Variants in GRIN2A observed in about 807,000 individuals in gnomAD.
The protein encoded by GRIN2A is glutamate receptor ionotropic, NMDA 2A.
Under a neutral mutation model 113.4 loss-of-function variants are expected in GRIN2A, and 22 were observed. The observed-to-expected ratio is 0.19, with a 90% CI of 0.14 to 0.28. The LOEUF (loss-of-function observed/expected upper bound fraction) is 0.28. Among genes scored for constraint, GRIN2A ranks in the 10% least tolerant of loss-of-function variants. The pLI, the probability that GRIN2A is intolerant of heterozygous loss-of-function variation, is 1.00. For missense variants in GRIN2A, 1,502 were observed against 1,887.0 expected (o/e 0.80, Z 3.78); for synonymous variants, 827 against 738.4 (o/e 1.12, Z -1.94).
At chr16:9,814,880 C>A (rs1041130100) in intron 10 of GRIN2A, among the ~76,000 whole-genome samples, 1 of 152,062 alleles carries the variant, frequency 6.6e-6, no homozygotes, top group Non-Finnish European at 1.5e-5. Context: ...ATTGACAGGG[C>A]ATGGTGTTGC....
intron 2 of GRIN2A, among the ~76,000 whole-genome samples, chr16:9,949,159 G>C (rs1324536942): frequency 6.6e-6 from 1 of 152,120 alleles, no homozygotes; most frequent in Non-Finnish European, 1.5e-5. Context: ...TCGTCACCAG[G>C]TATTTTAGGT....
intron 10 of GRIN2A, among the ~76,000 whole-genome samples, chr16:9,805,130 C>T (rs1178928682): frequency 6.6e-6 from 1 of 152,254 alleles, no homozygotes; most frequent in South Asian, 2.1e-4. Context: ...ACTGGCAAAT[C>T]TAATTGTCCC....
intron 2 of GRIN2A, among the ~76,000 whole-genome samples, chr16:10,090,194 G>T (rs2142079167): frequency 6.6e-6 from 1 of 152,040 alleles, no homozygotes; most frequent in Middle Eastern, 3.4e-3. Context: ...GACCCAAGAG[G>T]GAGGGGTTTC....
intron 2 of GRIN2A, among the ~76,000 whole-genome samples, chr16:10,025,174 G>T (rs556784137): frequency 8.6e-5 from 13 of 152,046 alleles, no homozygotes; most frequent in Non-Finnish European, 1.9e-4. Context: ...TAAGAAGACT[G>T]GAGATTACTA....
chr16:9,801,074 A>T (rs1169202880), intron 10 of GRIN2A, among the ~76,000 whole-genome samples: 1 of 152,136 alleles, frequency 6.6e-6, no homozygotes, highest in Non-Finnish European at 1.5e-5. Flanking sequence ...GGTGGCGTTC[A>T]TTGTGGTCTT....
chr16:10,143,068 C>A (rs2049360865), intron 2 of GRIN2A, among the ~76,000 whole-genome samples: 1 of 152,170 alleles, frequency 6.6e-6, no homozygotes, highest in African/African-American at 2.4e-5. Flanking sequence ...ATTTGCCGGT[C>A]TTAATTGTAC....
At chr16:9,929,495 C>A (rs904302616) in intron 3 of GRIN2A, among the ~76,000 whole-genome samples, 1 of 152,136 alleles carries the variant, frequency 6.6e-6, no homozygotes, top group African/African-American at 2.4e-5. Flanking sequence ...ATGCATTAAG[C>A]CTGCCCACTT....
chr16:10,139,251 C>A (rs142995646), intron 2 of GRIN2A, among the ~76,000 whole-genome samples: 1 of 152,224 alleles, frequency 6.6e-6, no homozygotes, highest in African/African-American at 2.4e-5. Context: ...CACTTTTGCA[C>A]CTCGTGTCTC....
In GRIN2A at chr16:10,043,886, C is replaced by T. The variant is rs560873785; in HGVS notation, c.415-105335G>A. 3.3e-5 allele frequency among the ~76,000 whole-genome samples: 5 copies of T among 151,698 alleles called. No individual in the cohort carries two copies. The East Asian group carries it at 9.7e-4, about 29-fold the overall frequency. ...GCTGCAATATACATATACATACACACACATATATATATACACACATATATA... is the reference window on the plus strand; with the variant it reads ...GCTGCAATATACATATACATACACATACATATATATATACACACATATATA... On this transcript the variant is annotated intron_variant, in intron 2 of 12. Coordinates refer to ENST00000330684, the MANE Select transcript of GRIN2A (RefSeq NM_001134407.3).
At chr16:9,976,166 G>A (rs1003222962) in intron 2 of GRIN2A, among the ~76,000 whole-genome samples, 3 of 152,140 alleles carry the variant, frequency 2.0e-5, no homozygotes, top group African/African-American at 7.2e-5. Flanking sequence ...CATAAATGGG[G>A]AGCCTCGTGT....
At chr16:9,948,285 G>C (rs757289911) in intron 2 of GRIN2A, among the ~76,000 whole-genome samples, 5 of 152,200 alleles carry the variant, frequency 3.3e-5, no homozygotes, top group Non-Finnish European at 7.3e-5. Context: ...TTGGGGCTTA[G>C]AGAGAGGCAG....
At chr16:9,925,011 A>G (rs1393776177) in intron 3 of GRIN2A, among the ~76,000 whole-genome samples, 1 of 152,092 alleles carries the variant, frequency 6.6e-6, no homozygotes, top group East Asian at 1.9e-4. Context: ...ATATTTTTTC[A>G]TTATGGATTA....
chr16:9,894,105 A>G (rs1236688787), intron 3 of GRIN2A, among the ~76,000 whole-genome samples: 1 of 152,170 alleles, frequency 6.6e-6, no homozygotes, highest in Non-Finnish European at 1.5e-5. Context: ...GAAGGGGTTG[A>G]GGCAGGAGAA....
intron 2 of GRIN2A, among the ~76,000 whole-genome samples, chr16:9,966,802 C>A (rs921883463): frequency 1.3e-5 from 2 of 152,172 alleles, no homozygotes; most frequent in Non-Finnish European, 2.9e-5. Context: ...ACAATCCCTG[C>A]CCCTCACTTT....
chr16:10,126,731 T>C (rs2048946036), intron 2 of GRIN2A, among the ~76,000 whole-genome samples: 1 of 152,208 alleles, frequency 6.6e-6, no homozygotes, highest in Admixed American at 6.5e-5. Flanking sequence ...TGGAACTCCC[T>C]GAAACGACCA....
In GRIN2A at chr16:9,763,191, T is replaced by A. The variant is rs143693526; in HGVS notation, c.4353A>T (p.Arg1451Ser). 5.9e-5 allele frequency: 95 copies of A among 1,613,904 alleles called. No individual in the cohort carries two copies. The highest frequency in any genetic ancestry group is 9.3e-6 in the Non-Finnish European group (11 of 1,179,856). ...TACTAGGCATTTTCTTGTACACGCG[T>A]CTATTGCTGCAGGAATTTAAAACCC... The part of the protein sequence containing the change: ...TPRVLNSCSN[R>S]RVYKKMPSIE... Residue 1451 changes from arginine to serine, a missense_variant, in exon 13 of 13, where the codon AGA (arginine) becomes AGT (serine). Coordinates refer to ENST00000330684, the MANE Select transcript of GRIN2A (RefSeq NM_001134407.3).
At chr16:9,960,890 T>A (rs899842267) in intron 2 of GRIN2A, among the ~76,000 whole-genome samples, 5 of 152,242 alleles carry the variant, frequency 3.3e-5, no homozygotes, top group Non-Finnish European at 7.3e-5. Flanking sequence ...TCTCCCAAAG[T>A]GCTGGGATTA....
chr16:9,852,005 A>G (rs1420873145), intron 4 of GRIN2A, among the ~76,000 whole-genome samples: 1 of 152,214 alleles, frequency 6.6e-6, no homozygotes. Context: ...AACTTTGCGC[A>G]TATCTCCACC....
At chr16:10,148,670 A>C (rs1341240631) in intron 2 of GRIN2A, among the ~76,000 whole-genome samples, 1 of 152,236 alleles carries the variant, frequency 6.6e-6, no homozygotes, top group Non-Finnish European at 1.5e-5. Flanking sequence ...ACCATATTAA[A>C]ACTCTAACTA....
Sources: gnomAD v4.1 joint callset for allele counts (sites outside exome capture counted in the v4.1 genomes callset) on GRCh38, gnomAD v4.1.1 for gene constraint, MANE v1.5 for transcripts, NCBI Gene and HGNC (gene_info 2026-07-23, HGNC 2026-07-21) for gene names.